Variants in ADAMTSL3 observed in about 807,000 individuals in gnomAD.
The protein encoded by ADAMTSL3 is ADAMTS-like protein 3.
In ADAMTSL3, 128 loss-of-function variants were observed where a neutral mutation model predicts 201.7. That is an observed-to-expected ratio of 0.63 (90% CI 0.55 to 0.73). The LOEUF is 0.73. ADAMTSL3 is among the 30% of genes least tolerant of loss of function. The probability of loss-of-function intolerance (pLI) is 0.00; values close to 1 mark genes in which losing one functional copy is unlikely to be tolerated. For synonymous variants in ADAMTSL3, 738 were observed against 748.4 expected (o/e 0.99, Z 0.23); for missense variants, 1,990 against 2,119.6 (o/e 0.94, Z 1.20).
At chr15:83,907,000 G>A (rs935575532) in intron 15 of ADAMTSL3, among the ~76,000 whole-genome samples, 2 of 151,146 alleles carry the variant, frequency 1.3e-5, no homozygotes, top group African/African-American at 4.9e-5. Flanking sequence ...TGAGGTGAGA[G>A]GCTCACTTGG....
chr15:83,869,054 A>G (rs780011695), intron 8 of ADAMTSL3, among the ~76,000 whole-genome samples: 24 of 152,152 alleles, frequency 1.6e-4, no homozygotes, highest in Non-Finnish European at 3.4e-4. Flanking sequence ...TACTACTCCA[A>G]CACAGCCGCG....
rs563672707 is a variant in ADAMTSL3, at chr15:83,819,728, T to C, written c.364-83T>C. 168 of 1,088,524 alleles carry C rather than the reference T, an allele frequency of 1.5e-4. No homozygotes were observed. The African/African-American group carries it at 2.4e-3, about 15-fold the overall frequency. 67.4% of individuals were successfully genotyped at this position (1,088,524 alleles called of 1,614,324 possible). On this transcript the variant is annotated intron_variant, in intron 5 of 29. Transcript: ENST00000286744. ...GAGAGGCAAGTGAGGTGTGGTCTCA[T>C]GAGATTCTGGTGAACTTATTTCATC...
intron 2 of ADAMTSL3, among the ~76,000 whole-genome samples, chr15:83,672,582 G>T (rs1393057547): frequency 1.3e-5 from 2 of 152,178 alleles, no homozygotes; most frequent in Admixed American, 6.5e-5. Context: ...CCATTTGTTG[G>T]CAGTCATTTG....
chr15:84,024,099 C>CA (rs1461026915), intron 26 of ADAMTSL3, among the ~76,000 whole-genome samples: 1 of 152,042 alleles, frequency 6.6e-6, no homozygotes, highest in South Asian at 2.1e-4. Flanking sequence ...ACTAAAAATA[C>CA]AAAAAAATCA....
intron 19 of ADAMTSL3, among the ~76,000 whole-genome samples, chr15:83,943,639 C>T (rs949294364): frequency 3.9e-5 from 6 of 152,212 alleles, no homozygotes; most frequent in Non-Finnish European, 7.3e-5. Context: ...GAAATTAAAT[C>T]CCAATAGCTG....
intron 12 of ADAMTSL3, 48 bp from the exon 13 acceptor site, chr15:83,892,636 C>G (rs996960375): frequency 1.9e-6 from 3 of 1,546,202 alleles, no homozygotes; most frequent in Admixed American, 2.0e-5. Context: ...TTGCAAACTT[C>G]AAACAAACAA....
intron 2 of ADAMTSL3, among the ~76,000 whole-genome samples, chr15:83,673,212 C>T (rs2061350425): frequency 6.6e-6 from 1 of 152,300 alleles, no homozygotes; most frequent in East Asian, 1.9e-4. Flanking sequence ...TTTAGCAGTG[C>T]GCTTAGCAAC....
chr15:83,975,553 T>C lies in ADAMTSL3; in HGVS notation c.2644+4916T>C, dbSNP rs989891897. On this transcript the variant is annotated intron_variant, in intron 20 of 29. Coordinates refer to ENST00000286744, the MANE Select transcript of ADAMTSL3 (RefSeq NM_207517.3). ...TACGTGTTACTTTTTCTTTTACTCATTCATTGCCTTAATTCATTCAACAAA... is the reference window on the plus strand; with the variant it reads ...TACGTGTTACTTTTTCTTTTACTCACTCATTGCCTTAATTCATTCAACAAA... Among the ~76,000 whole-genome samples, 12 of 152,182 alleles carry C rather than the reference T, an allele frequency of 7.9e-5. No homozygotes were observed. In the East Asian group the frequency reaches 2.3e-3, roughly 29 times the overall value.
intron 10 of ADAMTSL3, among the ~76,000 whole-genome samples, chr15:83,889,586 T>C (rs1344045253): frequency 6.6e-6 from 1 of 151,672 alleles, no homozygotes; most frequent in South Asian, 2.1e-4. Context: ...TCGAAATAGG[T>C]GTGTTGCGGG....
intron 3 of ADAMTSL3, among the ~76,000 whole-genome samples, chr15:83,734,633 T>A (rs2062339990): frequency 6.6e-6 from 1 of 151,232 alleles, no homozygotes; most frequent in Admixed American, 6.6e-5. Context: ...GTGTAGCCAT[T>A]TCTGGGAGGG....
chr15:83,901,669 CTTAAA>C (rs1012731318), intron 15 of ADAMTSL3, among the ~76,000 whole-genome samples: 4 of 152,244 alleles, frequency 2.6e-5, no homozygotes, highest in African/African-American at 9.6e-5. Flanking sequence ...TTAGGGCAAT[CTTAAA>C]TTAAAAAGAT....
At chr15:83,853,643 T>C (rs1160210467) in intron 7 of ADAMTSL3, among the ~76,000 whole-genome samples, 1 of 152,200 alleles carries the variant, frequency 6.6e-6, no homozygotes, top group East Asian at 1.9e-4. Context: ...CTAGCATTTG[T>C]TGGGTAAACT....
At chr15:83,670,125 G>T (rs1487841260) in intron 2 of ADAMTSL3, among the ~76,000 whole-genome samples, 1 of 151,644 alleles carries the variant, frequency 6.6e-6, no homozygotes, top group Non-Finnish European at 1.5e-5. Flanking sequence ...AAGCTTGGTG[G>T]TGCACGCCTG....
intron 4 of ADAMTSL3, among the ~76,000 whole-genome samples, chr15:83,792,889 A>G (rs1232328804): frequency 6.6e-6 from 1 of 152,200 alleles, no homozygotes; most frequent in Non-Finnish European, 1.5e-5. Context: ...CTGCACTTCC[A>G]TGTTTGTTGC....
At chr15:83,825,120 T>C (rs539726121) in intron 6 of ADAMTSL3, among the ~76,000 whole-genome samples, 350 of 152,310 alleles carry the variant, frequency 2.3e-3, no homozygotes, top group Non-Finnish European at 3.4e-3. Flanking sequence ...AGTAGACTTT[T>C]GACAAAAGGT....
intron 27 of ADAMTSL3, among the ~76,000 whole-genome samples, chr15:84,029,268 G>C (rs1185138704): frequency 6.6e-6 from 1 of 152,196 alleles, no homozygotes; most frequent in Non-Finnish European, 1.5e-5. Context: ...GAAGGGTTTT[G>C]ACCAAAATGC....
intron 5 of ADAMTSL3, 64 bp from the exon 6 acceptor site, chr15:83,819,747 T>A (rs2063828622): frequency 7.5e-7 from 1 of 1,334,826 alleles, no homozygotes; most frequent in Non-Finnish European, 1.1e-6. Flanking sequence ...GGTGAACTTA[T>A]TTCATCTTCT....
intron 23 of ADAMTSL3, among the ~76,000 whole-genome samples, chr15:83,995,128 C>T (rs187759924): frequency 1.1e-4 from 17 of 152,224 alleles, no homozygotes; most frequent in Non-Finnish European, 7.4e-5. Flanking sequence ...CTGTGGGCCT[C>T]TCTGGAAGGG....
At chr15:83,889,115 T>C (rs2065455646) in intron 10 of ADAMTSL3, among the ~76,000 whole-genome samples, 1 of 152,210 alleles carries the variant, frequency 6.6e-6, no homozygotes, top group African/African-American at 2.4e-5. Context: ...GCTTTTTAAA[T>C]TTATAGCACT....
Sources: gnomAD v4.1 joint callset for allele counts (sites outside exome capture counted in the v4.1 genomes callset) on GRCh38, gnomAD v4.1.1 for gene constraint, MANE v1.5 for transcripts, NCBI Gene and HGNC (gene_info 2026-07-23, HGNC 2026-07-21) for gene names.